GRID1: variants seen among roughly 807,000 people sequenced by gnomAD.
GRID1 encodes glutamate ionotropic receptor delta type subunit 1, also known as glutamate receptor ionotropic, delta-1.
In GRID1, 28 loss-of-function variants were observed where a neutral mutation model predicts 98.0. That is an observed-to-expected ratio of 0.29 (90% CI 0.21 to 0.39). GRID1 has a LOEUF of 0.39. GRID1 is among the 10% of genes least tolerant of loss of function. The pLI is 1.00. For synonymous variants in GRID1, 553 were observed against 538.5 expected, an observed-to-expected ratio of 1.03 and a Z score of -0.37; for missense variants, 1,111 against 1,340.5, an observed-to-expected ratio of 0.83 and a Z score of 2.67.
In GRID1 at chr10:86,122,666, T is replaced by A. The variant is rs149203811; in HGVS notation, c.726+16153A>T. On this transcript the variant is annotated intron_variant, in intron 4 of 15. Transcript: ENST00000327946. ...TGCCCCTCATAGAAAGAAACAGTCATGATTTTTTAAATTGGTCACTGAATT... is the reference window on the plus strand; with the variant it reads ...TGCCCCTCATAGAAAGAAACAGTCAAGATTTTTTAAATTGGTCACTGAATT... Among the ~76,000 whole-genome samples the A allele has an allele frequency of 5.2e-3, 795 of 152,372 alleles. 9 individuals are homozygous for A. The highest frequency in any genetic ancestry group is 0.018 in the African/African-American group (757 of 41,582).
At chr10:86,120,709 A>G (rs1258947688) in intron 4 of GRID1, among the ~76,000 whole-genome samples, 1 of 152,264 alleles carries the variant, frequency 6.6e-6, no homozygotes, top group Non-Finnish European at 1.5e-5. Flanking sequence ...ATAACAGAAT[A>G]ATTAATGTCA....
At position 85,727,928 on chromosome 10, in the gene GRID1, G is replaced by T. The variant is rs776328638; in HGVS notation, c.1460C>A (p.Ala487Asp). The T allele has an allele frequency of 6.2e-7, 1 of 1,613,798 alleles. No homozygotes were observed. The highest frequency in any genetic ancestry group is 8.5e-7 in the Non-Finnish European group (1 of 1,179,870). ...CTGGTGACCGTACCTGCCATCAGGG[G>T]CTTGGTAAATCTCATATTTAAAGCC... ...ALGFKYEIYQ[A>D]PDGRYGHQLH... Residue 487 changes from alanine (A) to aspartate (D), a missense_variant, in exon 10 of 16, where the codon GCC becomes GAC. Coordinates refer to ENST00000327946, the MANE Select transcript of GRID1 (RefSeq NM_017551.3).
chr10:86,158,418 CCTA>C (rs1296956927), intron 3 of GRID1, among the ~76,000 whole-genome samples: 1 of 152,222 alleles, frequency 6.6e-6, no homozygotes, highest in Non-Finnish European at 1.5e-5. Flanking sequence ...TACTCACTCA[CCTA>C]CTAAGCCACT....
intron 2 of GRID1, among the ~76,000 whole-genome samples, chr10:86,298,236 T>C (rs1847623154): frequency 6.6e-6 from 1 of 152,186 alleles, no homozygotes; most frequent in South Asian, 2.1e-4. Flanking sequence ...ATGAAAACTG[T>C]AGCAACAGTG....
intron 13 of GRID1, among the ~76,000 whole-genome samples, chr10:85,621,109 G>T (rs1347837164): frequency 6.6e-6 from 1 of 152,202 alleles, no homozygotes; most frequent in Non-Finnish European, 1.5e-5. Flanking sequence ...CTTTCTGGAA[G>T]GAGATGCAAA....
chr10:85,984,184 C>A (rs117159415), intron 4 of GRID1, among the ~76,000 whole-genome samples: 1 of 152,148 alleles, frequency 6.6e-6, no homozygotes, highest in Non-Finnish European at 1.5e-5. Flanking sequence ...TGCTCATCTC[C>A]CTTACTTTCT....
intron 4 of GRID1, among the ~76,000 whole-genome samples, chr10:86,084,582 AC>A (rs2131933091): frequency 6.6e-6 from 1 of 152,376 alleles, no homozygotes; most frequent in African/African-American, 2.4e-5. Flanking sequence ...ATACTTGCAC[AC>A]CTACTTTCAC....
chr10:85,634,102 C>T (rs1016395387), intron 13 of GRID1, among the ~76,000 whole-genome samples: 1 of 150,048 alleles, frequency 6.7e-6, no homozygotes, highest in African/African-American at 2.5e-5. Flanking sequence ...ACCCAGGAGG[C>T]GGAGGTGGCG....
chr10:86,014,294 C>G (rs899888902), intron 4 of GRID1, among the ~76,000 whole-genome samples: 14 of 152,154 alleles, frequency 9.2e-5, no homozygotes, highest in African/African-American at 2.7e-4. Context: ...TTGGGCCGTT[C>G]CTGACTTTCT....
chr10:85,754,442 T>G (rs1842077132), intron 8 of GRID1, among the ~76,000 whole-genome samples: 1 of 151,922 alleles, frequency 6.6e-6, no homozygotes, highest in Non-Finnish European at 1.5e-5. Flanking sequence ...GAGAAAAAGG[T>G]TTGTAGAATG....
intron 6 of GRID1, among the ~76,000 whole-genome samples, chr10:85,863,225 C>G (rs1843182565): frequency 6.6e-6 from 1 of 152,210 alleles, no homozygotes; most frequent in South Asian, 2.1e-4. Context: ...GATTCTGTGT[C>G]TGGTGAGGAC....
chr10:85,719,447 G>A (rs1294987229), intron 12 of GRID1, among the ~76,000 whole-genome samples: 1 of 152,136 alleles, frequency 6.6e-6, no homozygotes, highest in African/African-American at 2.4e-5. Context: ...AGTTTTAATT[G>A]GACTTACAGT....
At chr10:85,875,190 T>A (rs1843317133) in intron 5 of GRID1, among the ~76,000 whole-genome samples, 1 of 152,196 alleles carries the variant, frequency 6.6e-6, no homozygotes, top group Admixed American at 6.5e-5. Context: ...GGGGTTTTTT[T>A]ATTCGTTACA....
chr10:85,981,227 C>A (rs1842540917), intron 4 of GRID1, among the ~76,000 whole-genome samples: 1 of 152,212 alleles, frequency 6.6e-6, no homozygotes, highest in African/African-American at 2.4e-5. Flanking sequence ...CCTGCCATAG[C>A]AGGTCTAACC....
chr10:86,357,577 C>T (rs1848549287), intron 2 of GRID1, among the ~76,000 whole-genome samples: 1 of 152,210 alleles, frequency 6.6e-6, no homozygotes, highest in Non-Finnish European at 1.5e-5. Context: ...TGCATATGTG[C>T]ACGTGTGTGT....
At chr10:86,009,322 C>A (rs1301216740) in intron 4 of GRID1, among the ~76,000 whole-genome samples, 1 of 152,108 alleles carries the variant, frequency 6.6e-6, no homozygotes, top group Non-Finnish European at 1.5e-5. Flanking sequence ...AAGCAACCCA[C>A]AGTGAGATAA....
At chr10:86,213,340 C>A (rs1476461746) in intron 2 of GRID1, among the ~76,000 whole-genome samples, 1 of 152,118 alleles carries the variant, frequency 6.6e-6, no homozygotes, top group East Asian at 1.9e-4. Context: ...CAGCAGGGCT[C>A]CCCACGCTGA....
At chr10:85,975,326 T>G (rs1032090147) in intron 4 of GRID1, among the ~76,000 whole-genome samples, 2 of 152,216 alleles carry the variant, frequency 1.3e-5, no homozygotes, top group African/African-American at 2.4e-5. Context: ...GGACAGGGCT[T>G]GCGCAGCCTT....
intron 4 of GRID1, among the ~76,000 whole-genome samples, chr10:85,961,941 G>A (rs1186422753): frequency 6.6e-6 from 1 of 151,790 alleles, no homozygotes; most frequent in African/African-American, 2.4e-5. Flanking sequence ...AAAGAACAAA[G>A]GAGGGAAGGA....
Sources: gnomAD v4.1 joint callset for allele counts (sites outside exome capture counted in the v4.1 genomes callset) on GRCh38, gnomAD v4.1.1 for gene constraint, MANE v1.5 for transcripts, NCBI Gene and HGNC (gene_info 2026-07-23, HGNC 2026-07-21) for gene names.